Variants in KLF15 observed in about 807,000 individuals in gnomAD.
KLF15 encodes the protein Krueppel-like factor 15.
In KLF15, 4 loss-of-function variants were observed where a neutral mutation model predicts 24.6. The ratio of observed to expected loss-of-function variants is 0.16; its 90% CI spans 0.08 to 0.37. The LOEUF (loss-of-function observed/expected upper bound fraction) is 0.37, where lower values mean the gene tolerates loss of function less well. Ranked by LOEUF, KLF15 falls within the 10% of genes least tolerant of loss-of-function variation. KLF15 has a pLI of 1.00. For missense variants in KLF15, 496 were observed against 560.6 expected (o/e 0.88, Z 1.16); for synonymous variants, 246 against 236.3 (o/e 1.04, Z -0.37).
chr3:126,316,202 C>T, the KLF15 span, among the ~76,000 whole-genome samples: 103 of 150,722 alleles, frequency 6.8e-4, no homozygotes, highest in African/African-American at 2.4e-3. Flanking sequence ...TGGGAGTGCA[C>T]GGGCGGAGTG....
In KLF15 at chr3:126,343,457, C is replaced by CGCGGGAAG; in HGVS notation, c.*262_*269dup. The CGCGGGAAG allele has an allele frequency of 5.3e-6, 2 of 379,236 alleles. No individual in the cohort carries two copies. The highest frequency in any genetic ancestry group is 2.3e-5 in the African/African-American group (1 of 43,748). The allele number at this position is 379,236 out of a possible 1,614,324, so 23.5% of individuals were successfully genotyped here. On this transcript the variant is annotated 3_prime_UTR_variant, in exon 3 of 3. Coordinates refer to ENST00000296233, the MANE Select transcript of KLF15 (RefSeq NM_014079.4). ...GCGGCTGCAGCAGAGGCCTGGCCAC[C>CGCGGGAAG]GCGGGAAGGCACGAAGGCACGAAGG...
the KLF15 span, among the ~76,000 whole-genome samples, chr3:126,298,318 G>C: frequency 1.4e-5 from 2 of 141,624 alleles, no homozygotes; most frequent in East Asian, 4.0e-4. Flanking sequence ...TTTTTTTTCT[G>C]ATTTGTTTGA....
chr3:126,323,445 TG>T, the KLF15 span, among the ~76,000 whole-genome samples: 15 of 56,528 alleles, frequency 2.7e-4, no homozygotes, highest in African/African-American at 9.1e-4. Context: ...AACATATATA[TG>T]TTATATATAT....
At chr3:126,331,811 G>T in the KLF15 span, among the ~76,000 whole-genome samples, 4 of 152,200 alleles carry the variant, frequency 2.6e-5, no homozygotes, top group African/African-American at 7.2e-5. Flanking sequence ...CTTGGGAAGC[G>T]CAAGGGGTCA....
At chr3:126,314,639 C>G in the KLF15 span, among the ~76,000 whole-genome samples, 2 of 152,186 alleles carry the variant, frequency 1.3e-5, no homozygotes, top group African/African-American at 4.8e-5. Flanking sequence ...GGGCCCAGAG[C>G]CATTCACCCC....
At chr3:126,290,542 T>TCCTA in the KLF15 span, 2 of 151,638 alleles carry the variant, frequency 1.3e-5, no homozygotes, top group African/African-American at 2.4e-5. Flanking sequence ...CTTCCTTCCT[T>TCCTA]CCTTCCTCTG....
Position 126,343,814 on chromosome 3 carries a change from C to T in KLF15, c.1164G>A (p.Lys388=). Residue 388 remains lysine, a synonymous_variant, in exon 3 of 3, where the codon AAG becomes AAA. Coordinates refer to ENST00000296233, the MANE Select transcript of KLF15 (RefSeq NM_014079.4). The part of the protein sequence containing the change: ...VKPYQCPVCE[K]KFARSDHLSK... ...AGAGGTGGTCGCTCCGCGCGAACTTCTTCTCGCACACAGGACACTGGTACG... is the reference window on the plus strand; with the variant it reads ...AGAGGTGGTCGCTCCGCGCGAACTTTTTCTCGCACACAGGACACTGGTACG... 6.2e-7 allele frequency: 1 copy of T among 1,611,836 alleles called. No homozygotes were observed. The highest frequency in any genetic ancestry group is 1.1e-5 in the South Asian group (1 of 90,998).
At chr3:126,339,033 G>A (rs894384827), downstream of KLF15, among the ~76,000 whole-genome samples, 2 of 152,214 alleles carry the variant, frequency 1.3e-5, no homozygotes, top group African/African-American at 4.8e-5. Context: ...GCGCCAGGAT[G>A]GCTTGGAGAG....
At chr3:126,306,637 T>C in the KLF15 span, among the ~76,000 whole-genome samples, 5 of 152,240 alleles carry the variant, frequency 3.3e-5, no homozygotes, top group Non-Finnish European at 5.9e-5. Context: ...CGCATGCATG[T>C]GCACAAATAG....
At chr3:126,300,671 A>G in the KLF15 span, among the ~76,000 whole-genome samples, 1 of 152,202 alleles carries the variant, frequency 6.6e-6, no homozygotes, top group African/African-American at 2.4e-5. Flanking sequence ...CCCCTGTGAA[A>G]GACCCACCTG....
At chr3:126,302,875 T>G in the KLF15 span, among the ~76,000 whole-genome samples, 1 of 152,124 alleles carries the variant, frequency 6.6e-6, no homozygotes, top group Non-Finnish European at 1.5e-5. Context: ...TTATCTGGAG[T>G]GTCATGACCA....
chr3:126,327,288 C>T, the KLF15 span, among the ~76,000 whole-genome samples: 1 of 152,126 alleles, frequency 6.6e-6, no homozygotes, highest in Admixed American at 6.6e-5. Flanking sequence ...GGGGCAGACT[C>T]CTGTGGGACC....
chr3:126,306,631 T>C, the KLF15 span, among the ~76,000 whole-genome samples: 13 of 152,252 alleles, frequency 8.5e-5, no homozygotes, highest in Non-Finnish European at 1.5e-4. Context: ...CATATACGCA[T>C]GCATGTGCAC....
chr3:126,297,417 A>G, the KLF15 span, among the ~76,000 whole-genome samples: 1 of 152,216 alleles, frequency 6.6e-6, no homozygotes, highest in Non-Finnish European at 1.5e-5. Context: ...TAAATTTCAT[A>G]TAAATTTGAA....
chr3:126,330,099 A>G, the KLF15 span, among the ~76,000 whole-genome samples: 19 of 152,304 alleles, frequency 1.2e-4, no homozygotes, highest in Middle Eastern at 6.8e-3. Flanking sequence ...GGGCCTTGCT[A>G]TCTTGCAGCC....
the KLF15 span, among the ~76,000 whole-genome samples, chr3:126,292,842 G>A: frequency 6.6e-6 from 1 of 151,444 alleles, no homozygotes; most frequent in Non-Finnish European, 1.5e-5. Flanking sequence ...ACCCAGGTAA[G>A]AAGTCATTGC....
At chr3:126,354,713 G>A (rs554256449) in intron 1 of KLF15, among the ~76,000 whole-genome samples, 2 of 152,362 alleles carry the variant, frequency 1.3e-5, no homozygotes, top group African/African-American at 4.8e-5. Context: ...GTGCTGGGAA[G>A]GAATGAAAGT....
chr3:126,309,381 G>A, the KLF15 span, among the ~76,000 whole-genome samples: 73,876 of 152,030 alleles, frequency 0.49, 18,754 homozygotes, highest in Non-Finnish European at 0.55. Context: ...GTGGGTGGCA[G>A]CCAGTGGGAG....
chr3:126,311,034 T>C, the KLF15 span, among the ~76,000 whole-genome samples: 1 of 152,168 alleles, frequency 6.6e-6, no homozygotes, highest in African/African-American at 2.4e-5. Context: ...ACCAGCATCC[T>C]CAGGGTGAGG....
Sources: gnomAD v4.1 joint callset for allele counts (sites outside exome capture counted in the v4.1 genomes callset) on GRCh38, gnomAD v4.1.1 for gene constraint, MANE v1.5 for transcripts, NCBI Gene and HGNC (gene_info 2026-07-23, HGNC 2026-07-21) for gene names.